Variants in NINJ2 observed in about 807,000 individuals in gnomAD.
NINJ2 encodes the protein ninjurin 2, also known as ninjurin-2.
In NINJ2, 12 loss-of-function variants were observed where a neutral mutation model predicts 11.7. The ratio of observed to expected loss-of-function variants is 1.02; its 90% CI spans 0.66 to 1.66. The LOEUF is 1.66. Among genes scored for constraint, NINJ2 ranks in the 40% most tolerant of loss-of-function variants. NINJ2 has a pLI of 0.00. For missense variants in NINJ2, 187 were observed against 181.8 expected, an observed-to-expected ratio of 1.03 and a Z score of -0.16; for synonymous variants, 93 against 76.8, an observed-to-expected ratio of 1.21 and a Z score of -1.10.
rs749435320 is a variant in NINJ2 at position 566,130 on chromosome 12, C to T, written c.82G>A (p.Ala28Thr). The change falls in exon 2 of 4, where the codon GCC (alanine) becomes ACC (threonine). Residue 28 changes from alanine (A) to threonine (T), a missense_variant. By Grantham distance (58) the Ala-to-Thr change is moderately conservative. Coordinates refer to ENST00000305108, the MANE Select transcript of NINJ2 (RefSeq NM_016533.6). ...CTCTCCGCCACGCTCTTCTTGGTGG[C>T]GTAATGGTTCAGGTTGATGGGCTGG... Reference protein sequence around the residue: ...RSQPINLNHYATKKSVAESML... With the variant: ...RSQPINLNHYTTKKSVAESML... 2 of 1,614,062 alleles carry T rather than the reference C, an allele frequency of 1.2e-6. No homozygotes were observed. Among genetic ancestry groups the T allele is most frequent in the Admixed American group, 1.7e-5 (1 of 60,008 alleles).
chr12:598,320 T>C (rs1947817641), intron 1 of NINJ2, among the ~76,000 whole-genome samples: 1 of 152,242 alleles, frequency 6.6e-6, no homozygotes, highest in East Asian at 1.9e-4. Context: ...CAGGTAGCTG[T>C]GTCCACAGCT....
At chr12:569,043 C>T (rs1045127275) in intron 1 of NINJ2, among the ~76,000 whole-genome samples, 2 of 152,184 alleles carry the variant, frequency 1.3e-5, no homozygotes, top group African/African-American at 2.4e-5. Context: ...CTATCTCTCC[C>T]ATCTTCCTTC....
chr12:584,849 C>G (rs1449666477), intron 1 of NINJ2, among the ~76,000 whole-genome samples: 1 of 149,444 alleles, frequency 6.7e-6, no homozygotes, highest in African/African-American at 2.5e-5. Flanking sequence ...TAAAAGCAGG[C>G]TAGGGGCGCG....
At chr12:626,484 T>A (rs757338077) in intron 1 of NINJ2, among the ~76,000 whole-genome samples, 2 of 152,212 alleles carry the variant, frequency 1.3e-5, no homozygotes, top group African/African-American at 2.4e-5. Context: ...CATCAAGGCA[T>A]CCCTGAATAC....
In NINJ2 at chr12:565,318, C is replaced by G. The variant is rs554657826; in HGVS notation, c.346G>C (p.Val116Leu). 1 of 1,614,222 alleles carries G rather than the reference C, an allele frequency of 6.2e-7. No individual in the cohort carries two copies. Among genetic ancestry groups the G allele is most frequent in the Non-Finnish European group, 8.5e-7 (1 of 1,180,044 alleles). The change falls in exon 3 of 4, where the codon GTG becomes CTG. Residue 116 changes from valine (V) to leucine (L), a missense_variant. Val to Leu is a conservative substitution (Grantham distance 32). Transcript: ENST00000305108. ...NAATILVFFT[V>L]VINVFITAFG... is the part of the protein sequence containing the mutation. ...GCTGTAATGAAAACATTGATGACCA[C>G]AGTGAAGAAGACCAAGATGGTGGCT...
At chr12:603,727 C>A (rs997534891) in intron 1 of NINJ2, among the ~76,000 whole-genome samples, 1 of 151,878 alleles carries the variant, frequency 6.6e-6, no homozygotes, top group African/African-American at 2.4e-5. Flanking sequence ...GTGGTGCAAT[C>A]TTGGCTCAGT....
intron 1 of NINJ2, among the ~76,000 whole-genome samples, chr12:593,663 C>T (rs1947745287): frequency 1.3e-5 from 2 of 151,924 alleles, no homozygotes; most frequent in South Asian, 2.1e-4. Flanking sequence ...TGCAGTGAAC[C>T]GTGAGTGTGC....
rs59411177 is a variant in NINJ2 at position 582,820 on chromosome 12, G to A, written c.34-16642C>T. Reference sequence around the variant, plus strand: ...ATGGACGCAGGCAGGCAGGCATGCTGGTGTGAATGAATGAATGGGCGCAGG... The same window carrying A: ...ATGGACGCAGGCAGGCAGGCATGCTAGTGTGAATGAATGAATGGGCGCAGG... On this transcript the variant is annotated intron_variant, in intron 1 of 3. Coordinates refer to ENST00000305108, the MANE Select transcript of NINJ2 (RefSeq NM_016533.6). 4.6e-3 allele frequency among the ~76,000 whole-genome samples: 178 copies of A among 38,524 alleles called. 3 individuals are homozygous for A. The highest frequency in any genetic ancestry group is 6.5e-3 in the East Asian group (8 of 1,228). 25.3% of individuals were successfully genotyped at this position (38,524 alleles called of 152,430 possible).
intron 1 of NINJ2, among the ~76,000 whole-genome samples, chr12:578,954 C>T (rs1454828453): frequency 6.6e-6 from 1 of 152,188 alleles, no homozygotes; most frequent in South Asian, 2.1e-4. Context: ...GAGAGCCTCT[C>T]GTTTTTGCTG....
At chr12:609,496 GCGGTGGCTCA>G (rs1356703489) in intron 1 of NINJ2, among the ~76,000 whole-genome samples, 2 of 152,162 alleles carry the variant, frequency 1.3e-5, no homozygotes, top group Non-Finnish European at 2.9e-5. Flanking sequence ...AACACCGGGC[GCGGTGGCTCA>G]CGCCTGTAAT....
chr12:566,200 C>G (rs369923438), intron 1 of NINJ2, 22 bp from the exon 2 acceptor site: 365 of 1,595,678 alleles, frequency 2.3e-4, no homozygotes, highest in Non-Finnish European at 3.1e-4. Context: ...AAAGCACAGA[C>G]TTACCAAGGG....
intron 1 of NINJ2, among the ~76,000 whole-genome samples, chr12:590,020 T>A (rs1947697681): frequency 6.6e-6 from 1 of 152,166 alleles, no homozygotes; most frequent in African/African-American, 2.4e-5. Context: ...GATGAGGCAC[T>A]TAGGCTTTGT....
At chr12:657,508 G>C (rs1937889586) in intron 1 of NINJ2, among the ~76,000 whole-genome samples, 1 of 152,174 alleles carries the variant, frequency 6.6e-6, no homozygotes, top group African/African-American at 2.4e-5. Flanking sequence ...AGGATCGCTT[G>C]AACCCGGGAA....
At chr12:629,431 G>A (rs6489684) in intron 1 of NINJ2, among the ~76,000 whole-genome samples, 143,874 of 152,124 alleles carry the variant, frequency 0.95, 68,589 homozygotes, top group East Asian at 1. Flanking sequence ...GGAGAGTACA[G>A]TACAACCCAG....
chr12:642,764 G>A (rs548586869), intron 1 of NINJ2: 1 of 152,202 alleles, frequency 6.6e-6, no homozygotes, highest in African/African-American at 2.4e-5. Flanking sequence ...GGCCTCCCGC[G>A]GGGGAAGGAA....
intron 1 of NINJ2, chr12:643,417 C>T (rs893741940): frequency 1.0e-6 from 1 of 987,536 alleles, no homozygotes; most frequent in East Asian, 1.1e-4. Context: ...CTCGGGCCTA[C>T]ATCCGCTCCG....
intron 1 of NINJ2, among the ~76,000 whole-genome samples, chr12:612,913 C>T (rs914463294): frequency 1.3e-5 from 2 of 152,188 alleles, no homozygotes; most frequent in Admixed American, 6.5e-5. Context: ...AGATTGATCG[C>T]CTGATCGGCT....
chr12:598,991 C>T lies in NINJ2; in HGVS notation c.34-32813G>A, dbSNP rs139230672. 4.9e-3 allele frequency among the ~76,000 whole-genome samples: 746 copies of T among 151,940 alleles called. 12 individuals carry two copies. The highest frequency in any genetic ancestry group is 0.016 in the African/African-American group (677 of 41,434). ...CTGGGATTACAGGCGTGAGTCACTG[C>T]GCCCAGCCTACAATGCTTGTATTTT... On this transcript the variant is annotated intron_variant, in intron 1 of 3. Transcript: ENST00000305108.
chr12:606,356 CTA>C (rs1466050711), intron 1 of NINJ2, among the ~76,000 whole-genome samples: 1 of 152,052 alleles, frequency 6.6e-6, no homozygotes, highest in African/African-American at 2.4e-5. Context: ...AAAGACAAAA[CTA>C]AAGGATCACA....
Sources: allele counts gnomAD v4.1 joint callset (sites outside exome capture counted in the v4.1 genomes callset), GRCh38; gene constraint gnomAD v4.1.1; transcripts MANE v1.5; gene names NCBI Gene and HGNC (gene_info 2026-07-23, HGNC 2026-07-21).